PES1: variants seen among roughly 807,000 people sequenced by gnomAD.
PES1 encodes pescadillo homolog.
PES1 carries 31 observed loss-of-function variants against 77.1 expected under a neutral mutation model. That is an observed-to-expected ratio of 0.40 (90% CI 0.30 to 0.54). The LOEUF (loss-of-function observed/expected upper bound fraction) is 0.54. Among genes scored for constraint, PES1 ranks in the 20% least tolerant of loss-of-function variants. PES1 has a pLI of 0.45. For missense variants in PES1, 658 were observed against 771.7 expected, an observed-to-expected ratio of 0.85 and a Z score of 1.75; for synonymous variants, 282 against 303.0, an observed-to-expected ratio of 0.93 and a Z score of 0.72.
Position 30,581,110 on chromosome 22 carries a change from G to C in PES1, c.823-9C>G. On this transcript the variant is annotated splice_polypyrimidine_tract_variant and intron_variant, in intron 8 of 14. Transcript: ENST00000354694. ...CTGAGGGCTGCCAGTTTCTACAGGA[G>C]AGAAGGGGGCTGCTTGCAGTGGGGG... is the stretch of plus-strand genomic sequence containing the variant. 6.2e-7 allele frequency: 1 copy of C among 1,600,590 alleles called. No individual in the cohort carries two copies. The highest frequency in any genetic ancestry group is 8.5e-7 in the Non-Finnish European group (1 of 1,173,214).
chr22:30,581,934 G>C (rs1165703104), intron 6 of PES1, among the ~76,000 whole-genome samples: 1 of 152,182 alleles, frequency 6.6e-6, no homozygotes, highest in African/African-American at 2.4e-5. Context: ...TGAGAAAAGG[G>C]ACCCTGGTCC....
At position 30,581,604 on chromosome 22, in the gene PES1, G is replaced by A. The variant is rs1475643906; in HGVS notation, c.671C>T (p.Thr224Ile). 1.2e-6 allele frequency: 2 copies of A among 1,613,752 alleles called. No homozygotes were observed. Among genetic ancestry groups the A allele is most frequent in the Non-Finnish European group, 1.7e-6 (2 of 1,179,914 alleles). Reference sequence around the variant, plus strand: ...GCCCAGCAGCGTGGTGTAGAACTCGGTGAAGGTGGCCATGACCCTGTAGTC... The same window carrying A: ...GCCCAGCAGCGTGGTGTAGAACTCGATGAAGGTGGCCATGACCCTGTAGTC... ...DVDYRVMATF[T>I]EFYTTLLGFV... Residue 224 changes from threonine (T) to isoleucine (I), a missense_variant, in exon 7 of 15, where the codon ACC becomes ATC. By Grantham distance (89) the Thr-to-Ile change is moderately conservative. Coordinates refer to ENST00000354694, the MANE Select transcript of PES1 (RefSeq NM_014303.4).
chr22:30,591,044 T>G (rs894264704), intron 1 of PES1, among the ~76,000 whole-genome samples: 1 of 152,176 alleles, frequency 6.6e-6, no homozygotes, highest in Non-Finnish European at 1.5e-5. Flanking sequence ...TTCCCAGTCT[T>G]TTCATGTCAC....
upstream of PES1, chr22:30,592,045 C>G (rs1602022234): frequency 7.3e-7 from 1 of 1,364,866 alleles, no homozygotes; most frequent in East Asian, 2.9e-5. Context: ...ACTGAGAACA[C>G]TCTTTCCAGA....
At chr22:30,604,661 A>G (rs2145523139) in intron 2 of PES1, among the ~76,000 whole-genome samples, 1 of 152,072 alleles carries the variant, frequency 6.6e-6, no homozygotes, top group Non-Finnish European at 1.5e-5. Flanking sequence ...AAAATAAGAA[A>G]TGTTTCCTGT....
intron 4 of PES1, among the ~76,000 whole-genome samples, chr22:30,586,117 T>A (rs1196853267): frequency 6.6e-6 from 1 of 152,230 alleles, no homozygotes; most frequent in East Asian, 1.9e-4. Flanking sequence ...TGGTGTAGTA[T>A]GAGATCACCA....
At chr22:30,605,527 G>C in intron 1 of PES1, 3 of 978,842 alleles carry the variant, frequency 3.1e-6, no homozygotes, top group Non-Finnish European at 3.6e-6. Context: ...CCTGGAAATA[G>C]GAATCATAAT....
intron 14 of PES1, 79 bp downstream of exon 14, chr22:30,578,758 G>GC: frequency 1.4e-6 from 2 of 1,470,814 alleles, no homozygotes; most frequent in Admixed American, 3.4e-5. Flanking sequence ...CTAGAGGAGG[G>GC]CCCCAAGCCA....
chr22:30,597,908 G>A, intron 2 of PES1, among the ~76,000 whole-genome samples: 1 of 131,386 alleles, frequency 7.6e-6, no homozygotes. Context: ...TTTTGAGTCG[G>A]AGTCTCACTC....
intron 14 of PES1, 106 bp downstream of exon 14, chr22:30,578,731 G>T: frequency 7.6e-7 from 1 of 1,307,376 alleles, no homozygotes; most frequent in Non-Finnish European, 1.1e-6. Context: ...GAAAAGGCTA[G>T]GAGAGCCTCA....
chr22:30,606,420 T>C (rs1179642246), intron 1 of PES1, among the ~76,000 whole-genome samples: 1 of 151,940 alleles, frequency 6.6e-6, no homozygotes, highest in Admixed American at 6.6e-5. Context: ...TGTATGTGTT[T>C]TTTGTGTTTT....
At chr22:30,593,894 T>C (rs2087220150), upstream of PES1, among the ~76,000 whole-genome samples, 1 of 152,120 alleles carries the variant, frequency 6.6e-6, no homozygotes, top group South Asian at 2.1e-4. Context: ...GGTTTCAGAG[T>C]CCTCTGCTAA....
chr22:30,605,546 C>A, intron 1 of PES1: 2 of 952,172 alleles, frequency 2.1e-6, no homozygotes, highest in Non-Finnish European at 2.5e-6. Context: ...ATAGTTGTTA[C>A]TGGAAACAGG....
At chr22:30,585,507 T>G (rs998272311) in intron 4 of PES1, 1 of 265,562 alleles carries the variant, frequency 3.8e-6, no homozygotes. Flanking sequence ...TAGAAACACC[T>G]TGAGCCCAAG....
At chr22:30,603,043 T>C (rs1294805418) in intron 2 of PES1, among the ~76,000 whole-genome samples, 1 of 151,998 alleles carries the variant, frequency 6.6e-6, no homozygotes, top group Non-Finnish European at 1.5e-5. Context: ...CCCAAGTAGC[T>C]GGGACTACAG....
upstream of PES1, chr22:30,592,333 C>T (rs1314504046): frequency 3.0e-6 from 3 of 989,964 alleles, no homozygotes; most frequent in South Asian, 9.2e-5. Context: ...TCCCGAGGGG[C>T]AGGGTGAGAC....
chr22:30,599,369 A>G (rs11089465), intron 2 of PES1, among the ~76,000 whole-genome samples: 52,310 of 151,868 alleles, frequency 0.34, 9,134 homozygotes, highest in Middle Eastern at 0.42. Context: ...AAAGATTGTA[A>G]AACTATAAAC....
upstream of PES1, among the ~76,000 whole-genome samples, chr22:30,593,505 G>A (rs11912615): frequency 0.17 from 25,128 of 150,830 alleles, 2,192 homozygotes; most frequent in African/African-American, 0.19. Flanking sequence ...AAAAAAAAAA[G>A]AAGAAGAAGG....
upstream of PES1, among the ~76,000 whole-genome samples, chr22:30,595,726 C>G (rs559597736): frequency 2.6e-5 from 4 of 152,034 alleles, no homozygotes; most frequent in Admixed American, 1.3e-4. Flanking sequence ...CTTTGTCAAC[C>G]CTGGGTTTAA....
Sources: gnomAD v4.1 joint callset for allele counts (sites outside exome capture counted in the v4.1 genomes callset) on GRCh38, gnomAD v4.1.1 for gene constraint, MANE v1.5 for transcripts, NCBI Gene and HGNC (gene_info 2026-07-23, HGNC 2026-07-21) for gene names.